Variants in PTPRN2 observed in about 807,000 individuals in gnomAD.
The protein encoded by PTPRN2 is protein tyrosine phosphatase receptor type N2.
A neutral mutation model predicts 118.8 loss-of-function variants in PTPRN2; 74 were observed. The ratio of observed to expected loss-of-function variants is 0.62; its 90% confidence interval spans 0.52 to 0.76. The LOEUF is 0.76. PTPRN2 is among the 30% of genes least tolerant of loss of function. PTPRN2 has a pLI of 0.00. For synonymous variants in PTPRN2, 641 were observed against 608.0 expected (o/e 1.05, Z -0.80); for missense variants, 1,481 against 1,394.4 (o/e 1.06, Z -0.99).
At chr7:158,435,388 G>A (rs898997664) in intron 2 of PTPRN2, among the ~76,000 whole-genome samples, 1 of 151,772 alleles carries the variant, frequency 6.6e-6, no homozygotes, top group African/African-American at 2.4e-5. Context: ...ATCTAAATCA[G>A]CACTACAATG....
At chr7:158,052,827 G>C (rs1809439979) in intron 11 of PTPRN2, among the ~76,000 whole-genome samples, 1 of 152,176 alleles carries the variant, frequency 6.6e-6, no homozygotes, top group East Asian at 1.9e-4. Context: ...ACAGTTCCCA[G>C]CCACTCGGGG....
intron 2 of PTPRN2, among the ~76,000 whole-genome samples, chr7:158,472,029 A>G (rs1180591466): frequency 1.2e-4 from 18 of 151,866 alleles, no homozygotes; most frequent in African/African-American, 2.9e-4. Context: ...TTCCTGCCCC[A>G]CCACGGTTCC....
chr7:158,253,886 GAGCCAC>G (rs879537014), intron 3 of PTPRN2, among the ~76,000 whole-genome samples: 1,877 of 139,572 alleles, frequency 0.013, 200 homozygotes, highest in Admixed American at 0.018. Flanking sequence ...CGGCGGCACA[GAGCCAC>G]TGCCCACGGC....
intron 11 of PTPRN2, among the ~76,000 whole-genome samples, chr7:157,950,070 A>G (rs994385656): frequency 9.2e-5 from 14 of 152,220 alleles, no homozygotes; most frequent in Non-Finnish European, 1.9e-4. Context: ...ATATCTTGGT[A>G]AAAAAATTTA....
intron 3 of PTPRN2, among the ~76,000 whole-genome samples, chr7:158,311,152 G>A (rs4909062): frequency 0.43 from 66,077 of 152,140 alleles, 15,551 homozygotes; most frequent in Admixed American, 0.54. Flanking sequence ...GACCTGTGCC[G>A]GCAAGCACGT....
Position 157,736,150 on chromosome 7 carries a change from G to A in PTPRN2, c.1789-53213C>T, listed in dbSNP as rs1033597242. On this transcript the variant is annotated intron_variant, in intron 12 of 22. Coordinates refer to ENST00000389418, the MANE Select transcript of PTPRN2 (RefSeq NM_002847.5). ...ATCTCTGGCTGGGGATACATCACCC[G>A]ATCACACCAGCCCGAGAACCTTCCC... 9.9e-5 allele frequency among the ~76,000 whole-genome samples: 15 copies of A among 152,150 alleles called. 1 individual carries two copies. The highest frequency in any genetic ancestry group is 3.4e-4 in the African/African-American group (14 of 41,418).
intron 1 of PTPRN2, among the ~76,000 whole-genome samples, chr7:158,560,999 T>C (rs113083274): frequency 2.1e-3 from 326 of 152,378 alleles, no homozygotes; most frequent in South Asian, 0.016. Context: ...CCCATTCACA[T>C]GTCAGAATGT....
chr7:158,165,515 A>T (rs541560340), intron 6 of PTPRN2, among the ~76,000 whole-genome samples: 16 of 152,362 alleles, frequency 1.1e-4, no homozygotes, highest in African/African-American at 3.8e-4. Context: ...CTTCTATTTA[A>T]AAACTGCCAT....
At chr7:157,827,611 T>C (rs1397470192) in intron 12 of PTPRN2, among the ~76,000 whole-genome samples, 1 of 152,050 alleles carries the variant, frequency 6.6e-6, no homozygotes, top group Non-Finnish European at 1.5e-5. Context: ...GCCCAGGGAG[T>C]GGGCACTGCG....
intron 15 of PTPRN2, among the ~76,000 whole-genome samples, chr7:157,612,128 T>A (rs1330064377): frequency 6.6e-6 from 1 of 152,194 alleles, no homozygotes; most frequent in Non-Finnish European, 1.5e-5. Context: ...TCCCATGCCC[T>A]GAGCAGCACC....
chr7:158,490,785 G>A (rs1269120091), intron 1 of PTPRN2, among the ~76,000 whole-genome samples: 1 of 152,264 alleles, frequency 6.6e-6, no homozygotes, highest in Non-Finnish European at 1.5e-5. Context: ...CCCTGTGGAA[G>A]CCCCAGACTC....
intron 2 of PTPRN2, among the ~76,000 whole-genome samples, chr7:158,458,380 C>T (rs549050536): frequency 6.6e-6 from 1 of 152,308 alleles, no homozygotes; most frequent in South Asian, 2.1e-4. Context: ...CCACGGCCAC[C>T]TGGGGGAAAA....
Position 157,827,393 on chromosome 7 carries a change from C to CACA in PTPRN2, c.1788+71277_1788+71279dup, listed in dbSNP as rs1554461377. ...CACAACACAACACAACACAACACAACACAACACAACACAACACAGTGTGGG... is the reference window on the plus strand; with the variant it reads ...CACAACACAACACAACACAACACAACACAACAACACAACACAACACAGTGTGGG... On this transcript the variant is annotated intron_variant, in intron 12 of 22. Transcript: ENST00000389418. Among the ~76,000 whole-genome samples, 57 of 152,024 alleles carry CACA rather than the reference C, an allele frequency of 3.7e-4. No individual in the cohort carries two copies. The South Asian group carries it at 0.012, about 32-fold the overall frequency.
intron 2 of PTPRN2, among the ~76,000 whole-genome samples, chr7:158,359,233 C>T (rs1010890623): frequency 2.0e-5 from 3 of 152,250 alleles, no homozygotes; most frequent in African/African-American, 7.2e-5. Context: ...AGACACAAGT[C>T]TACAGAGGCG....
chr7:158,138,714 A>T (rs1819081042), intron 6 of PTPRN2, among the ~76,000 whole-genome samples, 199 bp from the exon 7 acceptor site: 1 of 152,172 alleles, frequency 6.6e-6, no homozygotes, highest in African/African-American at 2.4e-5. Flanking sequence ...AACCATCACT[A>T]GTTCAGTTCC....
intron 12 of PTPRN2, among the ~76,000 whole-genome samples, chr7:157,866,255 AAG>A (rs1470914930): frequency 1.3e-5 from 2 of 152,134 alleles, no homozygotes; most frequent in African/African-American, 4.8e-5. Flanking sequence ...TTCATCAATT[AAG>A]AGTCAGTGAG....
At chr7:157,639,339 T>C (rs1261706548) in intron 14 of PTPRN2, among the ~76,000 whole-genome samples, 2 of 152,150 alleles carry the variant, frequency 1.3e-5, no homozygotes, top group Non-Finnish European at 2.9e-5. Flanking sequence ...CCCAGCTATC[T>C]TTCTTTATTA....
intron 2 of PTPRN2, among the ~76,000 whole-genome samples, chr7:158,410,058 C>T (rs564684912): frequency 1.3e-5 from 2 of 152,338 alleles, no homozygotes; most frequent in African/African-American, 2.4e-5. Context: ...ATCACTCCTT[C>T]GGTTTCCTCC....
intron 13 of PTPRN2, among the ~76,000 whole-genome samples, chr7:157,675,291 G>A (rs1349410113): frequency 6.6e-6 from 1 of 152,116 alleles, no homozygotes; most frequent in Non-Finnish European, 1.5e-5. Flanking sequence ...TCACCTCGAT[G>A]TGAGCCCTGA....
Sources: allele counts gnomAD v4.1 joint callset (sites outside exome capture counted in the v4.1 genomes callset), GRCh38; gene constraint gnomAD v4.1.1; transcripts MANE v1.5; gene names NCBI Gene and HGNC (gene_info 2026-07-23, HGNC 2026-07-21).